The following PIWIL1 variants were observed in gnomAD, a reference collection of about 807,000 sequenced individuals.
The protein encoded by PIWIL1 is piwi-like protein 1.
Under a neutral mutation model 114.4 loss-of-function variants are expected in PIWIL1, and 73 were observed. The observed-to-expected ratio is 0.64, with a 90% CI of 0.53 to 0.78. The LOEUF is 0.78. Among genes scored for constraint, PIWIL1 ranks in the 30% least tolerant of loss-of-function variants. The pLI is 0.00. For synonymous variants in PIWIL1, 375 were observed against 369.0 expected, an observed-to-expected ratio of 1.02 and a Z score of -0.19; for missense variants, 723 against 1,063.1, an observed-to-expected ratio of 0.68 and a Z score of 4.45.
At chr12:130,407,424 G>A in the PIWIL1 span, among the ~76,000 whole-genome samples, 1 of 152,162 alleles carries the variant, frequency 6.6e-6, no homozygotes, top group Non-Finnish European at 1.5e-5. Flanking sequence ...TCCTAAAGAT[G>A]GCCCTCAGGT....
chr12:130,344,066 T>G (rs1234165311), intron 3 of PIWIL1, among the ~76,000 whole-genome samples: 4 of 152,232 alleles, frequency 2.6e-5, no homozygotes, highest in Admixed American at 6.5e-5. Context: ...CTTCATCAAG[T>G]GACAAAATCA....
chr12:130,414,099 G>A, the PIWIL1 span: 1 of 1,612,998 alleles, frequency 6.2e-7, no homozygotes, highest in South Asian at 1.1e-5. Flanking sequence ...GGCTGATGAA[G>A]CCGCCCGCAG....
At chr12:130,367,892 C>T (rs1008014552) in intron 19 of PIWIL1, among the ~76,000 whole-genome samples, 1 of 152,138 alleles carries the variant, frequency 6.6e-6, no homozygotes, top group Non-Finnish European at 1.5e-5. Context: ...CTGCCTCCTG[C>T]GTTCAAGGAA....
At chr12:130,377,533 G>C (rs1041255973), downstream of PIWIL1, among the ~76,000 whole-genome samples, 10 of 152,248 alleles carry the variant, frequency 6.6e-5, no homozygotes, top group Non-Finnish European at 1.3e-4. Context: ...AGGCGAAAAA[G>C]CAACCCGGCT....
At chr12:130,348,758 G>A (rs192867989) in intron 7 of PIWIL1, among the ~76,000 whole-genome samples, 7 of 152,218 alleles carry the variant, frequency 4.6e-5, no homozygotes, top group Non-Finnish European at 8.8e-5. Flanking sequence ...AAGATTAGCC[G>A]GGTGTGGTGG....
At chr12:130,395,866 T>TAA in the PIWIL1 span, among the ~76,000 whole-genome samples, 326 of 152,342 alleles carry the variant, frequency 2.1e-3, 5 homozygotes, top group East Asian at 0.039. Flanking sequence ...CAGAGGGAAT[T>TAA]AACAATTTGT....
At chr12:130,424,135 C>A in the PIWIL1 span, 1 of 1,224,430 alleles carries the variant, frequency 8.2e-7, no homozygotes, top group South Asian at 4.1e-5. The surrounding 1 kb of genome is among the most constrained non-coding windows in gnomAD (Gnocchi z 9.8). Context: ...AAGTTTAGGT[C>A]ACACACCAGG....
At chr12:130,404,015 C>A in the PIWIL1 span, among the ~76,000 whole-genome samples, 2 of 152,084 alleles carry the variant, frequency 1.3e-5, no homozygotes, top group African/African-American at 4.8e-5. Flanking sequence ...AAATACATAA[C>A]GAGTCACAGA....
intron 14 of PIWIL1, among the ~76,000 whole-genome samples, chr12:130,358,398 T>C (rs1483045424): frequency 6.6e-6 from 1 of 152,224 alleles, no homozygotes; most frequent in Non-Finnish European, 1.5e-5. Context: ...ATCAAACCCC[T>C]GGGTTCACAT....
At chr12:130,345,619 T>C (rs142400328) in intron 3 of PIWIL1, 134 bp from the exon 4 acceptor site, 2 of 874,812 alleles carry the variant, frequency 2.3e-6, no homozygotes, top group Non-Finnish European at 3.5e-6. Flanking sequence ...TAAAACATGT[T>C]GATAGGATTG....
At chr12:130,343,254 A>G (rs1357648750) in intron 3 of PIWIL1, among the ~76,000 whole-genome samples, 153 bp downstream of exon 3, 1 of 152,256 alleles carries the variant, frequency 6.6e-6, no homozygotes, top group Non-Finnish European at 1.5e-5. Context: ...ATTGTGGAAA[A>G]TACTTAAATA....
chr12:130,342,689 T>G lies in PIWIL1; in HGVS notation c.78+20T>G. Reference sequence around the variant, plus strand: ...ACTGCCGTGAGTGCTTCACCGTTTCTGACTACAGAAAATGTCTTTGACTCT... The same window carrying G: ...ACTGCCGTGAGTGCTTCACCGTTTCGGACTACAGAAAATGTCTTTGACTCT... On this transcript the variant is annotated intron_variant, in intron 2 of 20. Transcript: ENST00000245255. The G allele has an allele frequency of 6.3e-7, 1 of 1,581,962 alleles. No individual in the cohort carries two copies. Among genetic ancestry groups the G allele is most frequent in the Non-Finnish European group, 8.7e-7 (1 of 1,151,698 alleles).
chr12:130,343,848 C>T (rs1304045058), intron 3 of PIWIL1, among the ~76,000 whole-genome samples: 3 of 152,078 alleles, frequency 2.0e-5, no homozygotes, highest in Admixed American at 6.6e-5. Context: ...AGGACGGTCT[C>T]GATCTCCTGA....
chr12:130,357,141 CT>C, intron 13 of PIWIL1, 36 bp downstream of exon 13: 2 of 1,552,640 alleles, frequency 1.3e-6, no homozygotes, highest in South Asian at 1.2e-5. Context: ...CTGAAAATTG[CT>C]TGGCAGTCAT....
At chr12:130,415,237 T>C in the PIWIL1 span, among the ~76,000 whole-genome samples, 21 of 152,194 alleles carry the variant, frequency 1.4e-4, no homozygotes, top group Non-Finnish European at 2.8e-4. Flanking sequence ...AGATGCAAGA[T>C]TGGTTCAACA....
intron 1 of PIWIL1, among the ~76,000 whole-genome samples, chr12:130,339,060 CG>C (rs1418880430): frequency 6.6e-6 from 1 of 152,030 alleles, no homozygotes; most frequent in African/African-American, 2.4e-5. Context: ...GCGATCTCTG[CG>C]GAGGGCGAGG....
At chr12:130,393,463 C>T in the PIWIL1 span, among the ~76,000 whole-genome samples, 9 of 66,494 alleles carry the variant, frequency 1.4e-4, no homozygotes, top group African/African-American at 3.8e-4. Context: ...ACTGTCATCA[C>T]GTGTCCGTCA....
the PIWIL1 span, among the ~76,000 whole-genome samples, chr12:130,416,150 C>T: frequency 0.32 from 48,875 of 152,034 alleles, 8,301 homozygotes; most frequent in African/African-American, 0.44. Flanking sequence ...CCATATTGCC[C>T]AATGCAACCT....
chr12:130,377,905 C>T, the PIWIL1 span, among the ~76,000 whole-genome samples: 2 of 152,278 alleles, frequency 1.3e-5, no homozygotes, highest in Admixed American at 6.5e-5. Context: ...AAGTGGAGAG[C>T]GGGAGTAGTA....
Sources: allele counts gnomAD v4.1 joint callset (sites outside exome capture counted in the v4.1 genomes callset), GRCh38; gene constraint gnomAD v4.1.1; non-coding constraint Gnocchi (gnomAD v3.1); transcripts MANE v1.5; gene names NCBI Gene and HGNC (gene_info 2026-07-23, HGNC 2026-07-21).